Variants in NEDD4L observed in about 807,000 individuals in gnomAD.
NEDD4L encodes the protein NEDD4 like E3 ubiquitin protein ligase.
In NEDD4L, 54 loss-of-function variants were observed where a neutral mutation model predicts 148.9. The observed-to-expected ratio is 0.36, with a 90% CI of 0.29 to 0.45. The LOEUF (loss-of-function observed/expected upper bound fraction) is 0.45. Ranked by LOEUF, NEDD4L falls within the 20% of genes least tolerant of loss-of-function variation. The pLI is 1.00. For synonymous variants in NEDD4L, 433 were observed against 440.7 expected, an observed-to-expected ratio of 0.98 and a Z score of 0.22; for missense variants, 856 against 1,233.8, an observed-to-expected ratio of 0.69 and a Z score of 4.59.
chr18:58,136,261 T>G (rs753085464), intron 1 of NEDD4L, among the ~76,000 whole-genome samples: 50 of 152,136 alleles, frequency 3.3e-4, no homozygotes, highest in Non-Finnish European at 4.1e-4. Flanking sequence ...GCCGAGAAAG[T>G]GGAGTTTCAA....
chr18:58,249,231 T>G (rs934552620), intron 4 of NEDD4L, among the ~76,000 whole-genome samples: 13 of 152,224 alleles, frequency 8.5e-5, no homozygotes, highest in African/African-American at 3.1e-4. Context: ...AAATATCATT[T>G]ATGAGAATGG....
chr18:58,195,668 T>C (rs1028099799), intron 2 of NEDD4L: 2 of 1,351,834 alleles, frequency 1.5e-6, no homozygotes, highest in Admixed American at 1.9e-5. Context: ...AAACAGACCA[T>C]CTGCATCTAG....
At chr18:58,302,493 T>G (rs2056611353) in intron 5 of NEDD4L, among the ~76,000 whole-genome samples, 1 of 152,212 alleles carries the variant, frequency 6.6e-6, no homozygotes, top group Non-Finnish European at 1.5e-5. Context: ...AACACAACAG[T>G]TCCTTCATTG....
intron 5 of NEDD4L, among the ~76,000 whole-genome samples, chr18:58,271,001 A>G (rs549042657): frequency 6.6e-6 from 1 of 152,194 alleles, no homozygotes; most frequent in East Asian, 1.9e-4. Flanking sequence ...TTTTTGTAAG[A>G]TTTGGATGTA....
intron 1 of NEDD4L, chr18:58,045,038 C>T: frequency 2.4e-6 from 1 of 408,552 alleles, no homozygotes; most frequent in Non-Finnish European, 4.3e-6. Flanking sequence ...TCTCCCGGGG[C>T]TGTTGGGCAA....
At chr18:58,359,138 GT>G (rs1295135394) in intron 19 of NEDD4L, among the ~76,000 whole-genome samples, 1 of 152,146 alleles carries the variant, frequency 6.6e-6, no homozygotes. Context: ...AGATAGTTCT[GT>G]CAGTCTCTGT....
At chr18:58,279,498 G>T (rs142956936) in intron 5 of NEDD4L, among the ~76,000 whole-genome samples, 1 of 152,186 alleles carries the variant, frequency 6.6e-6, no homozygotes, top group Non-Finnish European at 1.5e-5. Context: ...AGAAAATCTC[G>T]GGAGAATAGG....
intron 5 of NEDD4L, among the ~76,000 whole-genome samples, chr18:58,302,070 T>C (rs937025473): frequency 8.5e-5 from 13 of 152,352 alleles, no homozygotes; most frequent in Middle Eastern, 3.4e-3. Context: ...CCAGTTACTT[T>C]GTAGATTTCG....
At position 58,256,590 on chromosome 18, in the gene NEDD4L, T is replaced by G. The variant is rs553034764; in HGVS notation, c.297+4536T>G. 7.2e-5 allele frequency: 89 copies of G among 1,232,062 alleles called. No individual in the cohort carries two copies. The South Asian group carries it at 3.1e-3, about 43-fold the overall frequency. The allele number at this position is 1,232,062 out of a possible 1,614,324, so 76.3% of individuals were successfully genotyped here. ...CGAGCTGGCAGGATGGCTCCTGAAATCCGCAGGACGAACTCCGCGGAGAGG... is the reference window on the plus strand; with the variant it reads ...CGAGCTGGCAGGATGGCTCCTGAAAGCCGCAGGACGAACTCCGCGGAGAGG... On this transcript the variant is annotated intron_variant, in intron 5 of 30. Transcript: ENST00000400345. The surrounding 1 kb of genome is among the most constrained non-coding windows in gnomAD (Gnocchi z 5.2).
chr18:58,048,257 T>C (rs2081682252), intron 1 of NEDD4L, among the ~76,000 whole-genome samples: 1 of 152,234 alleles, frequency 6.6e-6, no homozygotes, highest in Non-Finnish European at 1.5e-5. Flanking sequence ...CTTGGGGGTC[T>C]TTCTACTCAT....
At chr18:58,314,254 T>C (rs1312812086) in intron 5 of NEDD4L, among the ~76,000 whole-genome samples, 2 of 151,992 alleles carry the variant, frequency 1.3e-5, no homozygotes, top group Non-Finnish European at 2.9e-5. Flanking sequence ...CCATCTCTGC[T>C]AAAAATACAA....
chr18:58,342,187 T>G (rs1264441949), intron 15 of NEDD4L, among the ~76,000 whole-genome samples: 2 of 152,234 alleles, frequency 1.3e-5, no homozygotes, highest in African/African-American at 2.4e-5. Flanking sequence ...CTTTGATCAT[T>G]TGTTTTTCTT....
At chr18:58,050,701 C>T (rs573626679) in intron 1 of NEDD4L, among the ~76,000 whole-genome samples, 3 of 152,224 alleles carry the variant, frequency 2.0e-5, no homozygotes, top group Non-Finnish European at 2.9e-5. Context: ...GCAGAGGTTG[C>T]AGTGAGACAA....
intron 1 of NEDD4L, chr18:58,149,434 G>A: frequency 6.6e-7 from 1 of 1,525,560 alleles, no homozygotes; most frequent in South Asian, 1.2e-5. Flanking sequence ...AGTTACCCTT[G>A]GCTGCAGCCA....
chr18:58,080,423 G>T (rs1021309585), intron 1 of NEDD4L, among the ~76,000 whole-genome samples: 1 of 152,244 alleles, frequency 6.6e-6, no homozygotes. Flanking sequence ...GATATGGGCA[G>T]TAAAGTGGGA....
Position 58,280,172 on chromosome 18 carries a change from A to AGCCAC in NEDD4L, c.297+28119_297+28123dup, listed in dbSNP as rs139409875. On this transcript the variant is annotated intron_variant, in intron 5 of 30. Coordinates refer to ENST00000400345, the MANE Select transcript of NEDD4L (RefSeq NM_001144967.3). ...ATCCTTCTGCCTCGGCCTCCTGAGC[A>AGCCAC]GCCACTGCACGTGGCTGCATCGCTT... Among the ~76,000 whole-genome samples, 771 of 152,316 alleles carry AGCCAC rather than the reference A, an allele frequency of 5.1e-3. 7 individuals are homozygous for AGCCAC. Among genetic ancestry groups the AGCCAC allele is most frequent in the African/African-American group, 0.017 (727 of 41,566 alleles).
chr18:58,179,604 G>A (rs567710047), intron 2 of NEDD4L, among the ~76,000 whole-genome samples: 3 of 152,002 alleles, frequency 2.0e-5, no homozygotes, highest in African/African-American at 4.8e-5. Context: ...CCTGAGCTCC[G>A]CTGCCTCTCG....
intron 9 of NEDD4L, among the ~76,000 whole-genome samples, chr18:58,327,059 A>G (rs1324081579): frequency 6.6e-6 from 1 of 152,196 alleles, no homozygotes. Flanking sequence ...CAAAAGGTAT[A>G]ACTTGCTGGC....
chr18:58,147,781 T>C (rs886424587), intron 1 of NEDD4L, among the ~76,000 whole-genome samples: 9 of 152,334 alleles, frequency 5.9e-5, no homozygotes, highest in Non-Finnish European at 1.3e-4. Flanking sequence ...CATTCTGTTT[T>C]CTTTTGGGGC....
Sources: allele counts gnomAD v4.1 joint callset (sites outside exome capture counted in the v4.1 genomes callset), GRCh38; gene constraint gnomAD v4.1.1; non-coding constraint Gnocchi (gnomAD v3.1); transcripts MANE v1.5; gene names NCBI Gene and HGNC (gene_info 2026-07-23, HGNC 2026-07-21).